Variants in SERPINB5 observed in about 807,000 individuals in gnomAD.
SERPINB5 encodes the protein serpin family B member 5.
A neutral mutation model predicts 32.2 loss-of-function variants in SERPINB5; 27 were observed. The ratio of observed to expected loss-of-function variants is 0.84; its 90% CI spans 0.62 to 1.16. The LOEUF (loss-of-function observed/expected upper bound fraction) is 1.16, where lower values mean the gene tolerates loss of function less well. SERPINB5 is among the 50% of genes most tolerant of loss of function. SERPINB5 has a pLI of 0.00. For synonymous variants in SERPINB5, 154 were observed against 157.4 expected, an observed-to-expected ratio of 0.98 and a Z score of 0.16; for missense variants, 388 against 436.3, an observed-to-expected ratio of 0.89 and a Z score of 0.99.
chr18:63,479,009 C>T (rs747725148), intron 1 of SERPINB5, among the ~76,000 whole-genome samples: 2 of 152,154 alleles, frequency 1.3e-5, no homozygotes, highest in Non-Finnish European at 2.9e-5. Flanking sequence ...ATCTGCCCGC[C>T]TTGGCCTCCC....
intron 6 of SERPINB5, 137 bp downstream of exon 6, chr18:63,499,424 C>T: frequency 1.5e-6 from 1 of 659,540 alleles, no homozygotes; most frequent in Non-Finnish European, 2.3e-6. Flanking sequence ...CTCCAAGGAC[C>T]CATGGTTCTT....
chr18:63,500,703 G>A (rs563644194), intron 6 of SERPINB5, among the ~76,000 whole-genome samples: 43 of 152,132 alleles, frequency 2.8e-4, no homozygotes, highest in African/African-American at 9.6e-4. Flanking sequence ...CTCAACCCTT[G>A]GCCAGGAAGG....
intron 1 of SERPINB5, among the ~76,000 whole-genome samples, chr18:63,478,917 G>A (rs746746374): frequency 6.6e-6 from 1 of 151,956 alleles, no homozygotes; most frequent in Non-Finnish European, 1.5e-5. Flanking sequence ...GTGCCACCAC[G>A]CCCGGCTAAT....
chr18:63,484,741 C>CTTATTTTTTTTTTTTT (rs1917178716), intron 2 of SERPINB5, 145 bp downstream of exon 2: 2 of 105,684 alleles, frequency 1.9e-5, no homozygotes, highest in Non-Finnish European at 3.5e-5. Flanking sequence ...CTCTCTTAAT[C>CTTATTTTTTTTTTTTT]TTTTTTTTTT....
chr18:63,484,198 G>A (rs575316183), intron 1 of SERPINB5, among the ~76,000 whole-genome samples: 7 of 152,226 alleles, frequency 4.6e-5, no homozygotes, highest in African/African-American at 1.7e-4. Flanking sequence ...CAAGACTGCA[G>A]AGTCTAGGCA....
At chr18:63,482,102 C>T (rs570264364) in intron 1 of SERPINB5, among the ~76,000 whole-genome samples, 2 of 152,266 alleles carry the variant, frequency 1.3e-5, no homozygotes, top group East Asian at 1.9e-4. Context: ...CTCGCTTTTT[C>T]AGACTCTGAG....
At position 63,503,715 on chromosome 18, in the gene SERPINB5, C is replaced by A. The variant is rs1329153557; in HGVS notation, c.1121C>A (p.Ser374Tyr). The A allele has an allele frequency of 6.2e-7, 1 of 1,613,950 alleles. No individual in the cohort carries two copies. Among genetic ancestry groups the A allele is most frequent in the African/African-American group, 1.3e-5 (1 of 74,920 alleles). ...RNIIFFGKFC[S>Y]P ...ATTATTTTCTTTGGCAAATTCTGTT[C>A]TCCTTAAGTGGCATAGCCCATGTTA... Residue 374 changes from serine to tyrosine, a missense_variant, in exon 7 of 7, where the codon TCT (serine) becomes TAT (tyrosine). Transcript: ENST00000382771.
intron 6 of SERPINB5, among the ~76,000 whole-genome samples, chr18:63,502,360 C>T (rs1166619958): frequency 6.6e-6 from 1 of 152,062 alleles, no homozygotes; most frequent in Non-Finnish European, 1.5e-5. Context: ...TGGTCTCGAT[C>T]TCCTGACCTC....
rs766242833 is a variant in SERPINB5 at position 63,484,580 on chromosome 18, C to A, written c.152C>A (p.Ala51Glu). 4 of 1,613,090 alleles carry A rather than the reference C, an allele frequency of 2.5e-6. No individual in the cohort carries two copies. The highest frequency in any genetic ancestry group is 3.4e-6 in the Non-Finnish European group (4 of 1,179,732). The change falls in exon 2 of 7, where the codon GCA (alanine) becomes GAA (glutamate). Residue 51 changes from alanine (A) to glutamate (E), a missense_variant. By Grantham distance (107) the Ala-to-Glu change is moderately radical (BLOSUM62 -1). Transcript: ENST00000382771. ...LAQVGAKGDT[A>E]NEIGQVLHFE... is the part of the protein sequence containing the mutation. ...CAAGTGGGTGCTAAAGGTGACACTG[C>A]AAATGAAATTGGACAGGTAAGCCCC...
rs1376127695 is a variant in SERPINB5 at position 63,503,774 on chromosome 18, C to T, written c.*52C>T. Reference sequence around the variant, plus strand: ...CTGACTTTTCTGTGGATGCCGATTTCTGTAAACTCTGCATCCAGAGATTCA... The same window carrying T: ...CTGACTTTTCTGTGGATGCCGATTTTTGTAAACTCTGCATCCAGAGATTCA... On this transcript the variant is annotated 3_prime_UTR_variant, in exon 7 of 7. Transcript: ENST00000382771. The T allele has an allele frequency of 1.3e-6, 2 of 1,531,672 alleles. No individual in the cohort carries two copies. Among genetic ancestry groups the T allele is most frequent in the East Asian group, 4.5e-5 (2 of 44,470 alleles). 94.9% of individuals were successfully genotyped at this position (1,531,672 alleles called of 1,614,324 possible). A position where few individuals can be genotyped will look rare whatever the true frequency, so the allele number is the denominator to read the frequency against.
intron 2 of SERPINB5, among the ~76,000 whole-genome samples, chr18:63,484,861 C>G (rs972358408): frequency 2.0e-5 from 3 of 148,554 alleles, no homozygotes; most frequent in African/African-American, 7.4e-5. Context: ...GTGCCTCAGC[C>G]TGCCGAGTAG....
At chr18:63,499,334 C>T in intron 6 of SERPINB5, 47 bp downstream of exon 6, 1 of 1,419,862 alleles carries the variant, frequency 7.0e-7, no homozygotes, top group Non-Finnish European at 9.3e-7. Flanking sequence ...CCTGCCTTGG[C>T]AAAGAGTTGT....
chr18:63,504,285 T>C lies in SERPINB5; in HGVS notation c.*563T>C. On this transcript the variant is annotated 3_prime_UTR_variant, in exon 7 of 7. Coordinates refer to ENST00000382771, the MANE Select transcript of SERPINB5 (RefSeq NM_002639.5). ...TATTAAAATTCTGAATTTTGGGGATTTTCAAAAGATAATATTTTACATACA... is the reference window on the plus strand; with the variant it reads ...TATTAAAATTCTGAATTTTGGGGATCTTCAAAAGATAATATTTTACATACA... The C allele has an allele frequency of 6.5e-6, 1 of 153,692 alleles. No homozygotes were observed. The highest frequency in any genetic ancestry group is 1.4e-5 in the Non-Finnish European group (1 of 69,180). 9.5% of individuals were successfully genotyped at this position (153,692 alleles called of 1,614,324 possible). A position where few individuals can be genotyped will look rare whatever the true frequency, so the allele number is the denominator to read the frequency against.
intron 6 of SERPINB5, among the ~76,000 whole-genome samples, chr18:63,499,810 CT>C (rs1229936151): frequency 6.6e-6 from 1 of 151,520 alleles, no homozygotes; most frequent in African/African-American, 2.4e-5. Context: ...CTTGCTCTTT[CT>C]TTTTTTTTAA....
At chr18:63,484,710 C>T in intron 2 of SERPINB5, 114 bp downstream of exon 2, 2 of 521,644 alleles carry the variant, frequency 3.8e-6, no homozygotes, top group Non-Finnish European at 6.4e-6. Flanking sequence ...GGTCAAGATT[C>T]AGAACTGTGC....
In SERPINB5 at chr18:63,499,211, CT is replaced by C; in HGVS notation, c.663del (p.Gln222LysfsTer60). 6.2e-7 allele frequency: 1 copy of C among 1,601,304 alleles called. No homozygotes were observed. Among genetic ancestry groups the C allele is most frequent in the South Asian group, 1.1e-5 (1 of 88,972 alleles). On this transcript the variant is annotated frameshift_variant, in exon 6 of 7. Coordinates refer to ENST00000382771, the MANE Select transcript of SERPINB5 (RefSeq NM_002639.5). LOFTEE classifies it high-confidence loss of function. ...ATCAATTGTAAGATCATAGAGCTTCCTTTTCAAAATAAGCATCTCAGCATGT... is the reference window on the plus strand; with the variant it reads ...ATCAATTGTAAGATCATAGAGCTTCCTTTCAAAATAAGCATCTCAGCATGT... The part of the protein sequence containing the change: ...DSINCKIIEL[P>X]FQNKHLSMFI...
At chr18:63,495,603 AC>A (rs1909430866) in intron 5 of SERPINB5, among the ~76,000 whole-genome samples, 1 of 152,220 alleles carries the variant, frequency 6.6e-6, no homozygotes, top group African/African-American at 2.4e-5. Context: ...TAGAATGTGG[AC>A]TTTTGTGTCA....
chr18:63,494,667 T>C (rs558135439), intron 5 of SERPINB5, among the ~76,000 whole-genome samples: 31 of 152,360 alleles, frequency 2.0e-4, no homozygotes, highest in African/African-American at 7.5e-4. Flanking sequence ...CCCTGCAAGA[T>C]ACAATCTATG....
At chr18:63,490,411 T>A (rs1909308097) in intron 4 of SERPINB5, among the ~76,000 whole-genome samples, 1 of 152,028 alleles carries the variant, frequency 6.6e-6, no homozygotes, top group Non-Finnish European at 1.5e-5. Context: ...GAATTAGGGT[T>A]ATGATGATTT....
Sources: gnomAD v4.1 joint callset for allele counts (sites outside exome capture counted in the v4.1 genomes callset) on GRCh38, gnomAD v4.1.1 for gene constraint, MANE v1.5 for transcripts, NCBI Gene and HGNC (gene_info 2026-07-23, HGNC 2026-07-21) for gene names.